Variants in NMNAT3 observed in about 807,000 individuals in gnomAD.
The protein encoded by NMNAT3 is nicotinamide nucleotide adenylyltransferase 3.
In NMNAT3, 21 loss-of-function variants were observed where a neutral mutation model predicts 24.8. The observed-to-expected ratio is 0.85, with a 90% CI of 0.60 to 1.22. NMNAT3 has a LOEUF of 1.22. Ranked by LOEUF, NMNAT3 falls within the 50% of genes most tolerant of loss-of-function variation. NMNAT3 has a pLI of 0.00. For missense variants in NMNAT3, 387 were observed against 436.6 expected, an observed-to-expected ratio of 0.89 and a Z score of 1.01; for synonymous variants, 136 against 155.2, an observed-to-expected ratio of 0.88 and a Z score of 0.92.
At chr3:139,615,185 C>T (rs879713088) in intron 3 of NMNAT3, among the ~76,000 whole-genome samples, 7 of 152,140 alleles carry the variant, frequency 4.6e-5, no homozygotes, top group South Asian at 2.1e-4. Context: ...TGAACACTTC[C>T]TTACTTTTTG....
intron 3 of NMNAT3, among the ~76,000 whole-genome samples, chr3:139,598,344 T>C (rs570776183): frequency 1.3e-5 from 2 of 152,332 alleles, no homozygotes; most frequent in East Asian, 1.9e-4. Context: ...AGTGATACTT[T>C]GTGACTTCTG....
intron 3 of NMNAT3, among the ~76,000 whole-genome samples, chr3:139,620,997 A>G (rs1445541509): frequency 1.3e-5 from 2 of 152,046 alleles, no homozygotes; most frequent in Non-Finnish European, 2.9e-5. Flanking sequence ...GGATCTTGCT[A>G]TGTCGCCCAG....
At position 139,561,146 on chromosome 3, in the gene NMNAT3, G is replaced by A. The variant is rs750542105; in HGVS notation, c.905C>T (p.Ala302Val). The A allele has an allele frequency of 1.9e-6, 3 of 1,614,146 alleles. No homozygotes were observed. In the South Asian group the frequency reaches 3.3e-5, roughly 18 times the overall value. The change falls in exon 7 of 7, where the codon GCC (alanine) becomes GTC (valine). Residue 302 changes from alanine to valine, a missense_variant. Around this residue, in one of 3 missense-constraint regions of NMNAT3, gnomAD observed 323 missense variants for 345.2 expected, o/e 0.94. Transcript: ENST00000643695. ...CTTTACGCTCTGCCCTTGGCCCAAG[G>A]CTCGCCTGATGTATGTGGCACTGAT...
At chr3:139,591,366 C>G (rs1040305131) in intron 3 of NMNAT3, among the ~76,000 whole-genome samples, 1 of 152,164 alleles carries the variant, frequency 6.6e-6, no homozygotes, top group Non-Finnish European at 1.5e-5. Flanking sequence ...TGAGATCAAA[C>G]TGCAAGGCGG....
chr3:139,621,001 C>T (rs1290568501), intron 3 of NMNAT3, among the ~76,000 whole-genome samples: 2 of 152,060 alleles, frequency 1.3e-5, no homozygotes, highest in Admixed American at 6.6e-5. Flanking sequence ...CTTGCTATGT[C>T]GCCCAGGTTG....
intron 4 of NMNAT3, among the ~76,000 whole-genome samples, chr3:139,580,839 TAATC>T (rs1248776286): frequency 6.6e-6 from 1 of 152,202 alleles, no homozygotes; most frequent in Non-Finnish European, 1.5e-5. Flanking sequence ...ATCACCGCTT[TAATC>T]AAGCAATGAA....
chr3:139,669,154 A>T (rs939721999), intron 1 of NMNAT3, among the ~76,000 whole-genome samples: 3 of 152,244 alleles, frequency 2.0e-5, no homozygotes, highest in Non-Finnish European at 4.4e-5. Flanking sequence ...TTCCTCTTCT[A>T]TGCATGGCGG....
chr3:139,567,822 C>A (rs1012796832), intron 6 of NMNAT3: 2 of 152,086 alleles, frequency 1.3e-5, no homozygotes, highest in Non-Finnish European at 2.9e-5. Context: ...TGTGTCTCTG[C>A]CAGGCTTTGG....
In NMNAT3 at chr3:139,560,959, C is replaced by T; in HGVS notation, c.*51G>A. 6.4e-7 allele frequency: 1 copy of T among 1,559,000 alleles called. No homozygotes were observed. The highest frequency in any genetic ancestry group is 8.7e-7 in the Non-Finnish European group (1 of 1,150,572). On this transcript the variant is annotated 3_prime_UTR_variant, in exon 7 of 7. Transcript: ENST00000643695. ...GTAAAACAGAAACCTTAACAGCCCT[C>T]TCCCCAGCAGGAGCTTGTTGGAGGA...
chr3:139,565,005 A>T lies in NMNAT3; in HGVS notation c.659-3613T>A, dbSNP rs184761130. 1.8e-3 allele frequency among the ~76,000 whole-genome samples: 271 copies of T among 152,320 alleles called. 1 individual carries two copies. The highest frequency in any genetic ancestry group is 4.3e-3 in the African/African-American group (178 of 41,580). On this transcript the variant is annotated intron_variant, in intron 6 of 6. Coordinates refer to ENST00000643695, the MANE Select transcript of NMNAT3 (RefSeq NM_001320510.2). ...TTAGACATGCTAACAGATGGGAAGT[A>T]TAGTCATATTTTTATATACTTAAGA... is the stretch of plus-strand genomic sequence containing the variant.
chr3:139,622,843 A>G (rs967842099), intron 3 of NMNAT3, among the ~76,000 whole-genome samples: 1 of 118,788 alleles, frequency 8.4e-6, no homozygotes, highest in Non-Finnish European at 1.7e-5. Flanking sequence ...TATATATTAT[A>G]TATATTATAT....
At chr3:139,654,108 A>T (rs1386094108) in intron 1 of NMNAT3, among the ~76,000 whole-genome samples, 1 of 152,210 alleles carries the variant, frequency 6.6e-6, no homozygotes, top group Non-Finnish European at 1.5e-5. Context: ...TTCAGGCAGG[A>T]TTCGCACTTA....
At position 139,561,240 on chromosome 3, in the gene NMNAT3, C is replaced by T. The variant is rs114419338; in HGVS notation, c.811G>A (p.Ala271Thr). 189 of 1,614,040 alleles carry T rather than the reference C, an allele frequency of 1.2e-4. 1 individual carries two copies. In the African/African-American group the frequency reaches 2.1e-3, roughly 18 times the overall value. Residue 271 changes from alanine (A) to threonine (T), a missense_variant, in exon 7 of 7, where the codon GCA becomes ACA. Transcript: ENST00000643695. ...TGCATCCGTAGGATGGGAGATTCTG[C>T]GATGTAACCTTTTGGGTCGTGACCT...
At chr3:139,634,816 A>G (rs1191455821) in intron 2 of NMNAT3, 169 bp from the exon 3 acceptor site, 3 of 152,204 alleles carry the variant, frequency 2.0e-5, no homozygotes. Context: ...ACTAGTTTCA[A>G]TTGCCACAAT....
chr3:139,591,281 G>A (rs1181755545), intron 3 of NMNAT3, among the ~76,000 whole-genome samples: 1 of 151,434 alleles, frequency 6.6e-6, no homozygotes, highest in Non-Finnish European at 1.5e-5. Context: ...AACGGCGCAC[G>A]ACGAGACTAT....
intron 1 of NMNAT3, among the ~76,000 whole-genome samples, chr3:139,666,184 T>C (rs2057576072): frequency 6.6e-6 from 1 of 152,188 alleles, no homozygotes; most frequent in South Asian, 2.1e-4. Flanking sequence ...GACAGTGACA[T>C]GCCTCCCACA....
At chr3:139,648,313 T>C (rs1476377489) in intron 1 of NMNAT3, among the ~76,000 whole-genome samples, 2 of 152,234 alleles carry the variant, frequency 1.3e-5, no homozygotes, top group Non-Finnish European at 2.9e-5. Flanking sequence ...TGTGGAGCTG[T>C]GAGTCAATTA....
In NMNAT3 at chr3:139,652,224, C is replaced by T. The variant is rs138720027; in HGVS notation, c.-140-14162G>A. Among the ~76,000 whole-genome samples the T allele has an allele frequency of 2.6e-3, 394 of 152,276 alleles. 2 individuals carry two copies. Among genetic ancestry groups the T allele is most frequent in the African/African-American group, 9.1e-3 (377 of 41,558 alleles). On this transcript the variant is annotated intron_variant, in intron 1 of 6. Transcript: ENST00000643695. ...CTGCAGCAGCCCGGGGCTGTAATGT[C>T]CCCTTACATTTTGTGGGTACCCAGA...
chr3:139,659,753 G>A (rs1297144077), intron 1 of NMNAT3, among the ~76,000 whole-genome samples: 1 of 152,206 alleles, frequency 6.6e-6, no homozygotes. Context: ...CACAACCCAA[G>A]CCTTTCATGT....
Sources: gnomAD v4.1 joint callset for allele counts (sites outside exome capture counted in the v4.1 genomes callset) on GRCh38, gnomAD v4.1.1 for gene constraint, gnomAD v4.1.1 regional missense constraint, MANE v1.5 for transcripts, NCBI Gene and HGNC (gene_info 2026-07-23, HGNC 2026-07-21) for gene names.